The following GALNT13 variants were observed in gnomAD, a reference collection of about 807,000 sequenced individuals.
The protein encoded by GALNT13 is polypeptide N-acetylgalactosaminyltransferase 13.
Under a neutral mutation model 64.2 loss-of-function variants are expected in GALNT13, and 28 were observed. The observed-to-expected ratio is 0.44, with a 90% CI of 0.32 to 0.60. The LOEUF is 0.60. Ranked by LOEUF, GALNT13 falls within the 20% of genes least tolerant of loss-of-function variation. The pLI is 0.05. For missense variants in GALNT13, 577 were observed against 669.8 expected (o/e 0.86, Z 1.53); for synonymous variants, 214 against 224.6 (o/e 0.95, Z 0.42).
the GALNT13 span, among the ~76,000 whole-genome samples, chr2:153,490,688 A>G: frequency 6.6e-6 from 1 of 152,204 alleles, no homozygotes; most frequent in African/African-American, 2.4e-5. Flanking sequence ...GGCTGAGCGC[A>G]GTGGCTCACA....
intron 3 of GALNT13, among the ~76,000 whole-genome samples, chr2:154,011,673 GTC>G (rs1696646106): frequency 6.6e-6 from 1 of 152,086 alleles, no homozygotes; most frequent in African/African-American, 2.4e-5. Flanking sequence ...GGGTGTTGAA[GTC>G]TCTGACTGTT....
chr2:153,104,337 C>A, the GALNT13 span, among the ~76,000 whole-genome samples: 1 of 152,100 alleles, frequency 6.6e-6, no homozygotes, highest in Non-Finnish European at 1.5e-5. Context: ...AATGGGCTCT[C>A]CCAACATTTC....
chr2:154,252,782 AT>A (rs1690155786), intron 7 of GALNT13, among the ~76,000 whole-genome samples: 1 of 149,494 alleles, frequency 6.7e-6, no homozygotes, highest in East Asian at 2.0e-4. Flanking sequence ...TAGATAGATA[AT>A]AGATAAGGAA....
At chr2:153,514,301 A>C in the GALNT13 span, among the ~76,000 whole-genome samples, 2 of 152,136 alleles carry the variant, frequency 1.3e-5, no homozygotes, top group Admixed American at 6.6e-5. Context: ...TATATTTCTC[A>C]AGCCCACTGT....
chr2:153,406,056 G>A, the GALNT13 span, among the ~76,000 whole-genome samples: 1 of 152,276 alleles, frequency 6.6e-6, no homozygotes, highest in East Asian at 1.9e-4. Context: ...AAGACAAACT[G>A]TTACAAGAAG....
chr2:153,597,104 G>C, the GALNT13 span, among the ~76,000 whole-genome samples: 8 of 151,986 alleles, frequency 5.3e-5, no homozygotes, highest in Admixed American at 1.3e-4. Context: ...TTTACAAAAG[G>C]TTTCTAGGCT....
chr2:154,308,097 TATTAAA>T (rs1186861260), intron 9 of GALNT13, among the ~76,000 whole-genome samples: 1 of 152,076 alleles, frequency 6.6e-6, no homozygotes, highest in Admixed American at 6.6e-5. Flanking sequence ...AGCAGAAACA[TATTAAA>T]ATTAAATTTA....
At chr2:153,811,147 G>A in the GALNT13 span, among the ~76,000 whole-genome samples, 3 of 152,194 alleles carry the variant, frequency 2.0e-5, no homozygotes, top group South Asian at 4.1e-4. Flanking sequence ...ACAGGGAAAC[G>A]GAGGTTCAGA....
chr2:153,624,834 T>C, the GALNT13 span, among the ~76,000 whole-genome samples: 3 of 149,984 alleles, frequency 2.0e-5, no homozygotes, highest in East Asian at 5.9e-4. Context: ...ACTGTTTTTA[T>C]AGAGTGGCAA....
the GALNT13 span, among the ~76,000 whole-genome samples, chr2:153,479,081 G>C: frequency 6.6e-6 from 1 of 152,222 alleles, no homozygotes; most frequent in East Asian, 1.9e-4. Context: ...GAGTTTGTCG[G>C]GGGAGGGTGC....
the GALNT13 span, among the ~76,000 whole-genome samples, chr2:153,182,953 C>CAT: frequency 2.0e-5 from 3 of 151,974 alleles, no homozygotes; most frequent in Admixed American, 2.0e-4. Flanking sequence ...GAAAAGGATA[C>CAT]ATATATATTT....
the GALNT13 span, among the ~76,000 whole-genome samples, chr2:153,293,839 T>C: frequency 6.6e-6 from 1 of 151,804 alleles, no homozygotes; most frequent in African/African-American, 2.4e-5. Context: ...GTATCTAGGC[T>C]GAAGTGCAAT....
At chr2:154,076,496 T>C (rs928837436) in intron 3 of GALNT13, among the ~76,000 whole-genome samples, 2 of 151,738 alleles carry the variant, frequency 1.3e-5, no homozygotes, top group Admixed American at 6.6e-5. Context: ...ATTTAATAAA[T>C]GGTGCAGCTG....
intron 9 of GALNT13, among the ~76,000 whole-genome samples, chr2:154,379,730 G>T (rs969426030): frequency 3.3e-5 from 5 of 152,002 alleles, no homozygotes; most frequent in Non-Finnish European, 7.4e-5. Context: ...TTTTAATGCT[G>T]TTAAAATTTA....
chr2:154,362,878 C>A (rs950174303), intron 9 of GALNT13, among the ~76,000 whole-genome samples: 1 of 152,166 alleles, frequency 6.6e-6, no homozygotes, highest in African/African-American at 2.4e-5. Context: ...GTCAACCTTT[C>A]AAACCCTTTA....
the GALNT13 span, among the ~76,000 whole-genome samples, chr2:153,629,453 A>G: frequency 6.6e-6 from 1 of 152,100 alleles, no homozygotes; most frequent in Non-Finnish European, 1.5e-5. Flanking sequence ...ATATGTAGAA[A>G]GCTGAAACTG....
chr2:153,594,512 C>G, the GALNT13 span, among the ~76,000 whole-genome samples: 10 of 151,626 alleles, frequency 6.6e-5, no homozygotes, highest in African/African-American at 2.4e-4. Flanking sequence ...GCACAGAAAT[C>G]TTTCAATTAT....
chr2:153,390,929 G>A, the GALNT13 span, among the ~76,000 whole-genome samples: 4 of 152,038 alleles, frequency 2.6e-5, no homozygotes, highest in East Asian at 1.9e-4. Context: ...AAAGCTGTTA[G>A]AAAAGAAAAA....
chr2:154,419,767 G>T (rs1476668629), intron 11 of GALNT13, among the ~76,000 whole-genome samples: 1 of 152,054 alleles, frequency 6.6e-6, no homozygotes, highest in African/African-American at 2.4e-5. Context: ...GCAGTACATG[G>T]AAAAGGGACT....
Sources: allele counts gnomAD v4.1 joint callset (sites outside exome capture counted in the v4.1 genomes callset), GRCh38; gene constraint gnomAD v4.1.1; transcripts MANE v1.5; gene names NCBI Gene and HGNC (gene_info 2026-07-23, HGNC 2026-07-21).